Variants in EPHA7 observed in about 807,000 individuals in gnomAD.
The protein encoded by EPHA7 is EPH receptor A7.
Under a neutral mutation model 112.6 loss-of-function variants are expected in EPHA7, and 25 were observed. The ratio of observed to expected loss-of-function variants is 0.22; its 90% CI spans 0.16 to 0.31. EPHA7 has a LOEUF of 0.31. Among genes scored for constraint, EPHA7 ranks in the 10% least tolerant of loss-of-function variants. The probability of loss-of-function intolerance (pLI) is 1.00; values close to 1 mark genes in which losing one functional copy is unlikely to be tolerated. For synonymous variants in EPHA7, 437 were observed against 406.5 expected (o/e 1.07, Z -0.90); for missense variants, 962 against 1,212.6 (o/e 0.79, Z 3.07).
At chr6:93,343,420 T>C (rs999833748) in intron 5 of EPHA7, among the ~76,000 whole-genome samples, 2 of 151,774 alleles carry the variant, frequency 1.3e-5, no homozygotes, top group Admixed American at 6.6e-5. Context: ...ATTTTAGATA[T>C]GTAAATTGGA....
chr6:93,391,916 A>C (rs1777927744), intron 3 of EPHA7, among the ~76,000 whole-genome samples: 1 of 151,932 alleles, frequency 6.6e-6, no homozygotes, highest in African/African-American at 2.4e-5. Flanking sequence ...TCTGAGTTGT[A>C]GTTGGTTTTT....
intron 5 of EPHA7, among the ~76,000 whole-genome samples, chr6:93,291,543 C>A (rs1011460192): frequency 2.0e-5 from 3 of 151,228 alleles, no homozygotes; most frequent in African/African-American, 4.9e-5. Context: ...CCGAGGCGGG[C>A]GGATCACGAG....
chr6:93,303,839 G>A (rs952763808), intron 5 of EPHA7, among the ~76,000 whole-genome samples: 8 of 151,992 alleles, frequency 5.3e-5, no homozygotes, highest in East Asian at 1.9e-4. Context: ...TCCACCTATC[G>A]TCTATAAGCC....
intron 1 of EPHA7, among the ~76,000 whole-genome samples, chr6:93,416,985 C>T (rs573174325): frequency 3.3e-5 from 5 of 152,180 alleles, no homozygotes; most frequent in Admixed American, 2.6e-4. Flanking sequence ...GTGGCGCCCT[C>T]GCTCGAGAAG....
rs561025741 is a variant in EPHA7 at position 93,241,428 on chromosome 6, T to C, written c.*1998A>G. On this transcript the variant is annotated 3_prime_UTR_variant, in exon 17 of 17. Coordinates refer to ENST00000369303, the MANE Select transcript of EPHA7 (RefSeq NM_004440.4). Reference sequence around the variant, plus strand: ...ACCCTCAAGCACATTGTGTTATAGTTCCAAAAATATATTTACAGTCTATTA... The same window carrying C: ...ACCCTCAAGCACATTGTGTTATAGTCCCAAAAATATATTTACAGTCTATTA... The C allele has an allele frequency of 4.8e-3, 1,014 of 213,420 alleles. 1 individual carries two copies. The highest frequency in any genetic ancestry group is 0.013 in the Middle Eastern group (9 of 688). The allele number at this position is 213,420 out of a possible 1,614,324, so 13.2% of individuals were successfully genotyped here. A position where few individuals can be genotyped will look rare whatever the true frequency, so the allele number is the denominator to read the frequency against.
intron 3 of EPHA7, among the ~76,000 whole-genome samples, chr6:93,361,762 T>C (rs1582595828): frequency 6.6e-6 from 1 of 152,108 alleles, no homozygotes; most frequent in Admixed American, 6.6e-5. Flanking sequence ...ACAGCAGTTT[T>C]ACAAATTTTT....
intron 3 of EPHA7, among the ~76,000 whole-genome samples, chr6:93,359,023 T>G (rs1233332807): frequency 6.6e-6 from 1 of 152,142 alleles, no homozygotes; most frequent in East Asian, 1.9e-4. Flanking sequence ...GTGAACTTCT[T>G]TGTTACTAAA....
Position 93,254,644 on chromosome 6 carries a change from T to A in EPHA7, c.2532+3A>T. The A allele has an allele frequency of 6.2e-7, 1 of 1,611,254 alleles. No homozygotes were observed. Among genetic ancestry groups the A allele is most frequent in the Non-Finnish European group, 8.5e-7 (1 of 1,178,100 alleles). The stretch of plus-strand genomic sequence containing the variant: ...TTTTTGTTTAAATGAATGTAACACC[T>A]ACATCTTGATTTGACATGTCCCAAT... On this transcript the variant is annotated splice_donor_region_variant and intron_variant, in intron 14 of 16. Transcript: ENST00000369303.
At chr6:93,292,611 A>G (rs1772440318) in intron 5 of EPHA7, among the ~76,000 whole-genome samples, 1 of 152,164 alleles carries the variant, frequency 6.6e-6, no homozygotes, top group South Asian at 2.1e-4. Context: ...GCTTTAGATC[A>G]ATATCCAAGA....
chr6:93,362,275 T>C (rs1776299583), intron 3 of EPHA7, among the ~76,000 whole-genome samples: 1 of 152,056 alleles, frequency 6.6e-6, no homozygotes, highest in African/African-American at 2.4e-5. Flanking sequence ...AGAGTAATAG[T>C]ATTATTTACT....
chr6:93,265,379 A>G (rs1214398219), intron 7 of EPHA7, among the ~76,000 whole-genome samples: 2 of 151,608 alleles, frequency 1.3e-5, no homozygotes, highest in Non-Finnish European at 3.0e-5. Context: ...CTAACTGCAA[A>G]CCCTTCCTAT....
chr6:93,311,831 T>C (rs1228958978), intron 5 of EPHA7, among the ~76,000 whole-genome samples: 1 of 152,224 alleles, frequency 6.6e-6, no homozygotes, highest in Non-Finnish European at 1.5e-5. Flanking sequence ...GAAATTACTC[T>C]TTAATCTATG....
At chr6:93,254,557 G>C in intron 14 of EPHA7, 90 bp downstream of exon 14, 1 of 969,556 alleles carries the variant, frequency 1.0e-6, no homozygotes, top group Non-Finnish European at 1.5e-6. Context: ...TTATTTAAAA[G>C]TGTTCTTAAT....
At chr6:93,324,586 T>A (rs1303162109) in intron 5 of EPHA7, among the ~76,000 whole-genome samples, 4 of 151,418 alleles carry the variant, frequency 2.6e-5, no homozygotes, top group Non-Finnish European at 4.4e-5. Context: ...TCTCAACATA[T>A]GTATCCTACC....
chr6:93,254,737 T>C lies in EPHA7; in HGVS notation c.2442A>G (p.Thr814=), dbSNP rs1770361188. 1.2e-6 allele frequency: 2 copies of C among 1,613,560 alleles called. No individual in the cohort carries two copies. Among genetic ancestry groups the C allele is most frequent in the Admixed American group, 1.7e-5 (1 of 59,982 alleles). Reference sequence around the variant, plus strand: ...CATAGCTCCATACATCACTGGCTGATGTGAATTTCCGGTACTGGATGGCTT... The same window carrying C: ...CATAGCTCCATACATCACTGGCTGACGTGAATTTCCGGTACTGGATGGCTT... The part of the protein sequence containing the change: ...APEAIQYRKF[T]SASDVWSYGI... The change falls in exon 14 of 17, where the codon ACA becomes ACG. Residue 814 remains threonine, a synonymous_variant. Transcript: ENST00000369303.
chr6:93,305,873 GTA>G (rs1773231313), intron 5 of EPHA7, among the ~76,000 whole-genome samples: 1 of 151,794 alleles, frequency 6.6e-6, no homozygotes, highest in East Asian at 1.9e-4. Context: ...AGATATAATA[GTA>G]TTTTATATAG....
At chr6:93,388,087 G>A (rs1030939048) in intron 3 of EPHA7, among the ~76,000 whole-genome samples, 1 of 152,060 alleles carries the variant, frequency 6.6e-6, no homozygotes, top group East Asian at 1.9e-4. Flanking sequence ...AACAAAAGAT[G>A]ACCCACATGA....
chr6:93,290,012 CA>C (rs1477292484), intron 5 of EPHA7, among the ~76,000 whole-genome samples: 1 of 152,102 alleles, frequency 6.6e-6, no homozygotes, highest in Non-Finnish European at 1.5e-5. Context: ...TTATACACAA[CA>C]TGCATCTTCT....
At chr6:93,248,021 G>A (rs1770035675) in intron 14 of EPHA7, among the ~76,000 whole-genome samples, 1 of 151,960 alleles carries the variant, frequency 6.6e-6, no homozygotes, top group East Asian at 1.9e-4. Flanking sequence ...AGAAGGGATC[G>A]GAGAACACTA....
Sources: gnomAD v4.1 joint callset for allele counts (sites outside exome capture counted in the v4.1 genomes callset) on GRCh38, gnomAD v4.1.1 for gene constraint, MANE v1.5 for transcripts, NCBI Gene and HGNC (gene_info 2026-07-23, HGNC 2026-07-21) for gene names.